NTNG1: variants seen among roughly 807,000 people sequenced by gnomAD.
The protein encoded by NTNG1 is netrin-G1.
NTNG1 carries 16 observed loss-of-function variants against 54.0 expected under a neutral mutation model. The observed-to-expected ratio is 0.30, with a 90% CI of 0.20 to 0.45. The LOEUF is 0.45. Ranked by LOEUF, NTNG1 falls within the 20% of genes least tolerant of loss-of-function variation. NTNG1 has a pLI of 1.00. For missense variants in NTNG1, 530 were observed against 678.7 expected (o/e 0.78, Z 2.43); for synonymous variants, 255 against 263.1 (o/e 0.97, Z 0.30).
chr1:107,212,264 T>C (rs575399342), intron 2 of NTNG1, among the ~76,000 whole-genome samples: 5 of 152,196 alleles, frequency 3.3e-5, no homozygotes, highest in Non-Finnish European at 7.3e-5. Context: ...GTAATAGTAA[T>C]GAGTATGCTT....
chr1:107,215,070 C>G (rs895514394), intron 2 of NTNG1, among the ~76,000 whole-genome samples: 5 of 151,964 alleles, frequency 3.3e-5, no homozygotes, highest in African/African-American at 1.2e-4. Flanking sequence ...TTTTCTCCCA[C>G]TCTGTGGGTT....
intron 7 of NTNG1, among the ~76,000 whole-genome samples, chr1:107,448,247 A>T (rs1458575166): frequency 1.3e-5 from 2 of 152,064 alleles, no homozygotes; most frequent in African/African-American, 2.4e-5. Context: ...CTCCTTATTA[A>T]TATGTAGTAG....
intron 7 of NTNG1, among the ~76,000 whole-genome samples, chr1:107,459,220 A>C (rs1424670212): frequency 6.6e-6 from 1 of 152,192 alleles, no homozygotes; most frequent in Non-Finnish European, 1.5e-5. Flanking sequence ...AAAGAGAGAG[A>C]GAGAAATTGC....
intron 7 of NTNG1, among the ~76,000 whole-genome samples, chr1:107,448,044 G>T (rs112163775): frequency 1.3e-5 from 2 of 152,052 alleles, no homozygotes; most frequent in African/African-American, 4.8e-5. Context: ...CAAGGGCCAC[G>T]GTTCAAGAGG....
intron 2 of NTNG1, among the ~76,000 whole-genome samples, chr1:107,261,817 T>TG (rs1362341487): frequency 6.6e-6 from 1 of 152,208 alleles, no homozygotes; most frequent in Non-Finnish European, 1.5e-5. Context: ...CACTCCAGCC[T>TG]GGGCGACAGA....
At chr1:107,248,739 A>G (rs1028755064) in intron 2 of NTNG1, among the ~76,000 whole-genome samples, 2 of 152,154 alleles carry the variant, frequency 1.3e-5, no homozygotes, top group African/African-American at 2.4e-5. Context: ...AAAGTACTGA[A>G]TTTCACATCA....
chr1:107,188,249 T>C (rs1285819526), intron 2 of NTNG1, among the ~76,000 whole-genome samples: 1 of 152,028 alleles, frequency 6.6e-6, no homozygotes, highest in Non-Finnish European at 1.5e-5. Context: ...ACATTGGGTA[T>C]GAGATTCCTG....
At chr1:107,246,898 T>C (rs547694094) in intron 2 of NTNG1, among the ~76,000 whole-genome samples, 4 of 152,302 alleles carry the variant, frequency 2.6e-5, no homozygotes, top group Non-Finnish European at 5.9e-5. Flanking sequence ...ACGCTTCCTT[T>C]CTTGGTGAGA....
chr1:107,152,029 TATACATACATATATAC>T (rs1654610061), intron 2 of NTNG1, among the ~76,000 whole-genome samples: 1 of 148,052 alleles, frequency 6.8e-6, no homozygotes, highest in Admixed American at 6.7e-5. Context: ...TACATATATA[TATACATACATATATAC>T]ATACATATAT....
chr1:107,264,338 C>T (rs891630244), intron 2 of NTNG1, among the ~76,000 whole-genome samples: 1 of 152,112 alleles, frequency 6.6e-6, no homozygotes, highest in African/African-American at 2.4e-5. Flanking sequence ...ACACTCCCTG[C>T]CATTTTTGCT....
chr1:107,296,436 A>C (rs1665944733), intron 2 of NTNG1, among the ~76,000 whole-genome samples: 1 of 151,948 alleles, frequency 6.6e-6, no homozygotes, highest in Non-Finnish European at 1.5e-5. Flanking sequence ...ATCTAACTGG[A>C]AAAAGACAGT....
intron 7 of NTNG1, among the ~76,000 whole-genome samples, chr1:107,453,122 G>T (rs1232792239): frequency 6.6e-6 from 1 of 152,192 alleles, no homozygotes; most frequent in Non-Finnish European, 1.5e-5. Context: ...CTCAACAGTG[G>T]TCAGCATTAA....
intron 2 of NTNG1, among the ~76,000 whole-genome samples, chr1:107,264,241 T>G (rs1223858697): frequency 6.6e-6 from 1 of 152,112 alleles, no homozygotes; most frequent in African/African-American, 2.4e-5. Flanking sequence ...CTGGTGCACA[T>G]TTTTGTAGCC....
intron 5 of NTNG1, chr1:107,409,225 G>C (rs187546290): frequency 6.2e-4 from 94 of 152,322 alleles, no homozygotes; most frequent in African/African-American, 2.2e-3. Context: ...GCTCCTTTCA[G>C]GCCTTGACAA....
At chr1:107,451,075 C>T (rs971312018) in intron 7 of NTNG1, among the ~76,000 whole-genome samples, 2 of 150,532 alleles carry the variant, frequency 1.3e-5, no homozygotes, top group Non-Finnish European at 3.0e-5. Context: ...TTCAGTTCCT[C>T]AATTCTCAAT....
intron 2 of NTNG1, among the ~76,000 whole-genome samples, chr1:107,315,730 T>C (rs550256341): frequency 6.6e-6 from 1 of 152,298 alleles, no homozygotes; most frequent in South Asian, 2.1e-4. Flanking sequence ...TTGCAGTTTA[T>C]ATGTAATTAT....
At chr1:107,185,629 C>T (rs1221146409) in intron 2 of NTNG1, among the ~76,000 whole-genome samples, 1 of 152,122 alleles carries the variant, frequency 6.6e-6, no homozygotes, top group Non-Finnish European at 1.5e-5. Flanking sequence ...CTATTGAAGT[C>T]AGAACAAGGT....
In NTNG1 at chr1:107,321,356, C is replaced by T. The variant is rs1440807134; in HGVS notation, c.247-2926C>T. Among the ~76,000 whole-genome samples the T allele has an allele frequency of 1.2e-4, 18 of 152,040 alleles. No homozygotes were observed. The South Asian group carries it at 2.1e-3, about 17-fold the overall frequency. On this transcript the variant is annotated intron_variant, in intron 2 of 7. Transcript: ENST00000370068. ...TTTTTAGGTGCCTGAAGCACCAGAT[C>T]TGTGCCAAGCAATGAAGAACTTGAT...
At chr1:107,159,773 C>T (rs1269438449) in intron 2 of NTNG1, among the ~76,000 whole-genome samples, 1 of 152,110 alleles carries the variant, frequency 6.6e-6, no homozygotes, top group Non-Finnish European at 1.5e-5. Context: ...GAAATAACCT[C>T]AGAAAATTGG....
Sources: allele counts gnomAD v4.1 joint callset (sites outside exome capture counted in the v4.1 genomes callset), GRCh38; gene constraint gnomAD v4.1.1; transcripts MANE v1.5; gene names NCBI Gene and HGNC (gene_info 2026-07-23, HGNC 2026-07-21).